CMPK2: variants seen among roughly 807,000 people sequenced by gnomAD.
CMPK2 encodes the protein UMP-CMP kinase 2, mitochondrial.
A neutral mutation model predicts 33.4 loss-of-function variants in CMPK2; 32 were observed. The ratio of observed to expected loss-of-function variants is 0.96; its 90% confidence interval spans 0.72 to 1.29. The LOEUF (loss-of-function observed/expected upper bound fraction) is 1.29. Among genes scored for constraint, CMPK2 ranks in the 50% most tolerant of loss-of-function variants. The probability of loss-of-function intolerance (pLI) is 0.00; values close to 1 mark genes in which losing one functional copy is unlikely to be tolerated. For missense variants in CMPK2, 672 were observed against 616.0 expected, an observed-to-expected ratio of 1.09 and a Z score of -0.96; for synonymous variants, 299 against 275.3, an observed-to-expected ratio of 1.09 and a Z score of -0.85.
rs200083396 is a variant in CMPK2, at chr2:6,851,628, G to A, written c.1048C>T (p.Gln350Ter). The A allele has an allele frequency of 1.2e-6, 2 of 1,614,160 alleles. No individual in the cohort carries two copies. The highest frequency in any genetic ancestry group is 2.2e-5 in the East Asian group (1 of 44,876). The change falls in exon 4 of 5, where the codon CAG (glutamine) becomes TAG (stop). Residue 350 changes from glutamine to a stop codon, truncating the protein, a stop_gained. Transcript: ENST00000256722. LOFTEE classifies it high-confidence loss of function. The part of the protein sequence containing the change: ...AIATEVSGGL[Q>*]HLPPAHHPVY... ...GGGTGATGGGCTGGGGGCAGGTGCT[G>A]GAGACCCCCACTCACCTCAGTGGCT...
chr2:6,853,103 C>G (rs1373689137), intron 3 of CMPK2, among the ~76,000 whole-genome samples: 1 of 152,166 alleles, frequency 6.6e-6, no homozygotes, highest in Non-Finnish European at 1.5e-5. Context: ...GCATGCACCA[C>G]CACGCCCGGC....
intron 3 of CMPK2, among the ~76,000 whole-genome samples, chr2:6,841,385 T>C (rs1440980970): frequency 6.6e-6 from 1 of 152,074 alleles, no homozygotes; most frequent in Non-Finnish European, 1.5e-5. Flanking sequence ...GAGATGCCAT[T>C]TGTTGAGGGG....
Position 6,863,465 on chromosome 2 carries a change from C to T in CMPK2, c.789G>A (p.Thr263=), listed in dbSNP as rs771969281. 23 of 1,612,064 alleles carry T rather than the reference C, an allele frequency of 1.4e-5. No individual in the cohort carries two copies. The highest frequency in any genetic ancestry group is 3.3e-4 in the Middle Eastern group (2 of 6,056). The change falls in exon 2 of 5, where the codon ACG becomes ACA. Residue 263 remains threonine (T), a splice_region_variant and synonymous_variant. Coordinates refer to ENST00000256722, the MANE Select transcript of CMPK2 (RefSeq NM_207315.4). ...AACTAAAAGGTAATATTATCTTACC[C>T]GTGGCATCCAGTCCTTCGATGGCAA... ...QVVAIEGLDA[T]GKTTVTQSVA...
At position 6,851,438 on chromosome 2, in the gene CMPK2, T is replaced by C. The variant is rs561814092; in HGVS notation, c.1226+12A>G. ...GCCTGCCGCTCACATTGCATTGCACTGGGACACCTACTTTTGACGAAACAC... is the reference window on the plus strand; with the variant it reads ...GCCTGCCGCTCACATTGCATTGCACCGGGACACCTACTTTTGACGAAACAC... On this transcript the variant is annotated intron_variant, in intron 4 of 4. Coordinates refer to ENST00000256722, the MANE Select transcript of CMPK2 (RefSeq NM_207315.4). 1.9e-6 allele frequency: 3 copies of C among 1,614,224 alleles called. No individual in the cohort carries two copies. The highest frequency in any genetic ancestry group is 1.3e-5 in the African/African-American group (1 of 75,056).
Position 6,861,306 on chromosome 2 carries a change from C to A in CMPK2, c.870G>T (p.Gln290His). 1.2e-6 allele frequency: 2 copies of A among 1,614,118 alleles called. No individual in the cohort carries two copies. Among genetic ancestry groups the A allele is most frequent in the Non-Finnish European group, 1.7e-6 (2 of 1,179,998 alleles). The change falls in exon 3 of 5, where the codon CAG (glutamine) becomes CAT (histidine). Residue 290 changes from glutamine to histidine, a missense_variant. Physicochemically the swap from Gln to His is conservative, Grantham distance 24 (BLOSUM62 0). Coordinates refer to ENST00000256722, the MANE Select transcript of CMPK2 (RefSeq NM_207315.4). ...LLKSPPSCIG[Q>H]WRKIFDDEPT... ...GTTCATCATCAAAGATCTTCCTCCA[C>A]TGGCCAATGCAAGAGGGTGGTGACT...
In CMPK2 at chr2:6,849,125, A is replaced by G. The variant is rs555696892; in HGVS notation, c.*725T>C. 4.7e-4 allele frequency: 459 copies of G among 983,538 alleles called. No homozygotes were observed. The highest frequency in any genetic ancestry group is 2.1e-3 in the Middle Eastern group (4 of 1,930). The allele number at this position is 983,538 out of a possible 1,614,324, so 60.9% of individuals were successfully genotyped here. A position where few individuals can be genotyped will look rare whatever the true frequency, so the allele number is the denominator to read the frequency against. On this transcript the variant is annotated 3_prime_UTR_variant, in exon 5 of 5. Transcript: ENST00000256722. Reference sequence around the variant, plus strand: ...CCATACTTTAGAAAAAAAGAAAAGAAATATAAATAAGCAAAATATAATTCA... The same window carrying G: ...CCATACTTTAGAAAAAAAGAAAAGAGATATAAATAAGCAAAATATAATTCA...
At chr2:6,864,924 G>T in intron 1 of CMPK2, 98 bp downstream of exon 1, 1 of 1,331,300 alleles carries the variant, frequency 7.5e-7, no homozygotes, top group Non-Finnish European at 9.7e-7. Context: ...AAACCACCCA[G>T]GCAAGAACCG....
rs1663071520 is a variant in CMPK2 at position 6,865,890 on chromosome 2, C to T, written c.-194G>A. 1.4e-6 allele frequency: 2 copies of T among 1,409,048 alleles called. No individual in the cohort carries two copies. Among genetic ancestry groups the T allele is most frequent in the South Asian group, 1.4e-5 (1 of 71,724 alleles). The allele number at this position is 1,409,048 out of a possible 1,614,324, so 87.3% of individuals were successfully genotyped here. On this transcript the variant is annotated 5_prime_UTR_variant, in exon 1 of 5. Transcript: ENST00000256722. ...GGCTGGGGCGCCCTTCCGGCCTCTC[C>T]TCCTCGCCGCGAGATGTGCGCGATA...
Position 6,851,533 on chromosome 2 carries a change from C to A in CMPK2, c.1143G>T (p.Glu381Asp). ...LILLLTVSPE[E>D]RLQRLQGRGM... ...CCCGGCCCTGCAGCCTCTGCAACCT[C>A]TCCTCAGGACTCACAGTGAGCAGCA... is the stretch of plus-strand genomic sequence containing the variant. The change falls in exon 4 of 5, where the codon GAG (glutamate) becomes GAT (aspartate). Residue 381 changes from glutamate (E) to aspartate (D), a missense_variant. Glu to Asp is a conservative substitution (Grantham distance 45). Transcript: ENST00000256722. 1 of 1,614,228 alleles carries A rather than the reference C, an allele frequency of 6.2e-7. No individual in the cohort carries two copies.
At chr2:6,857,075 C>G (rs1662725639) in intron 3 of CMPK2, among the ~76,000 whole-genome samples, 1 of 152,146 alleles carries the variant, frequency 6.6e-6, no homozygotes, top group Non-Finnish European at 1.5e-5. Flanking sequence ...TTCTGACTAG[C>G]ATCATATGAG....
At chr2:6,844,475 G>A (rs755053793), downstream of CMPK2, among the ~76,000 whole-genome samples, 4 of 152,132 alleles carry the variant, frequency 2.6e-5, no homozygotes, top group Non-Finnish European at 5.9e-5. Flanking sequence ...TTTTCATCTG[G>A]TTTTTGATCT....
At chr2:6,844,003 G>T (rs1200742725), downstream of CMPK2, among the ~76,000 whole-genome samples, 1 of 152,182 alleles carries the variant, frequency 6.6e-6, no homozygotes, top group Non-Finnish European at 1.5e-5. Context: ...CTGGGAGACT[G>T]GCTCTGGACC....
Position 6,865,669 on chromosome 2 carries a change from C to T in CMPK2, c.28G>A (p.Gly10Arg). MAFARRLLR[G>R]PLSGPLLGRR... ...CCGAGCAGCGGCCCCGACAGTGGCC[C>T]GCGCAGGAGCCGGCGGGCGAAGGCC... Residue 10 changes from glycine (G) to arginine (R), a missense_variant, in exon 1 of 5, where the codon GGG becomes AGG. By Grantham distance (125) the Gly-to-Arg change is moderately radical. Transcript: ENST00000256722. The T allele has an allele frequency of 7.6e-7, 1 of 1,307,534 alleles. No individual in the cohort carries two copies. Among genetic ancestry groups the T allele is most frequent in the Non-Finnish European group, 9.7e-7 (1 of 1,036,130 alleles). 81.0% of individuals were successfully genotyped at this position (1,307,534 alleles called of 1,614,324 possible). A position where few individuals can be genotyped will look rare whatever the true frequency, so the allele number is the denominator to read the frequency against.
In CMPK2 at chr2:6,849,720, C is replaced by G; in HGVS notation, c.*130G>C. On this transcript the variant is annotated 3_prime_UTR_variant, in exon 5 of 5. Transcript: ENST00000256722. ...GATGGCTGAAGTAAAATTAAGATGC[C>G]TGGTCTCCAGTTTTCTGCCACACAA... 1 of 1,526,352 alleles carries G rather than the reference C, an allele frequency of 6.6e-7. No individual in the cohort carries two copies. Among genetic ancestry groups the G allele is most frequent in the Non-Finnish European group, 8.7e-7 (1 of 1,148,076 alleles). 94.6% of individuals were successfully genotyped at this position (1,526,352 alleles called of 1,614,324 possible).
At chr2:6,846,615 G>T (rs945357853), downstream of CMPK2, among the ~76,000 whole-genome samples, 1 of 152,202 alleles carries the variant, frequency 6.6e-6, no homozygotes, top group Non-Finnish European at 1.5e-5. Context: ...AATAGGAAAA[G>T]ATTGCAAGTC....
At chr2:6,859,201 G>A (rs1017077318) in intron 3 of CMPK2, among the ~76,000 whole-genome samples, 4 of 152,184 alleles carry the variant, frequency 2.6e-5, no homozygotes, top group Non-Finnish European at 4.4e-5. Context: ...GAGGTGACTT[G>A]GATGCTGTTA....
chr2:6,848,788 T>C lies in CMPK2; in HGVS notation c.*1062A>G. 1 of 985,760 alleles carries C rather than the reference T, an allele frequency of 1.0e-6. No individual in the cohort carries two copies. Among genetic ancestry groups the C allele is most frequent in the Non-Finnish European group, 1.2e-6 (1 of 829,844 alleles). The allele number at this position is 985,760 out of a possible 1,614,324, so 61.1% of individuals were successfully genotyped here. ...CACAGCTCTATAATTTCCCCCTCAC[T>C]CAGCTACTTTTTTCTGTCTAAAGAT... On this transcript the variant is annotated 3_prime_UTR_variant, in exon 5 of 5. Coordinates refer to ENST00000256722, the MANE Select transcript of CMPK2 (RefSeq NM_207315.4).
rs1463385958 is a variant in CMPK2, at chr2:6,863,478, C to T, written c.776G>A (p.Gly259Glu). Residue 259 changes from glycine (G) to glutamate (E), a missense_variant, in exon 2 of 5, where the codon GGA becomes GAA. By Grantham distance (98) the Gly-to-Glu change is moderately conservative (BLOSUM62 -2). Transcript: ENST00000256722. Reference protein sequence around the residue: ...KGKFQVVAIEGLDATGKTTVT... With the variant: ...KGKFQVVAIEELDATGKTTVT... ...TATTATCTTACCCGTGGCATCCAGT[C>T]CTTCGATGGCAACAACCTGGAACTT... is the stretch of plus-strand genomic sequence containing the variant. The T allele has an allele frequency of 1.2e-6, 2 of 1,613,906 alleles. No homozygotes were observed. Among genetic ancestry groups the T allele is most frequent in the African/African-American group, 2.7e-5 (2 of 74,894 alleles).
intron 3 of CMPK2, among the ~76,000 whole-genome samples, chr2:6,852,994 G>T (rs571406045): frequency 6.6e-6 from 1 of 152,294 alleles, no homozygotes; most frequent in South Asian, 2.1e-4. Context: ...CTGTTGCCCA[G>T]GCTGGAGTGC....
Sources: gnomAD v4.1 joint callset for allele counts (sites outside exome capture counted in the v4.1 genomes callset) on GRCh38, gnomAD v4.1.1 for gene constraint, MANE v1.5 for transcripts, NCBI Gene and HGNC (gene_info 2026-07-23, HGNC 2026-07-21) for gene names.